The following KLHL12 variants were observed in gnomAD, a reference collection of about 807,000 sequenced individuals.
KLHL12 encodes the protein kelch like family member 12.
KLHL12 carries 17 observed loss-of-function variants against 60.8 expected under a neutral mutation model. The ratio of observed to expected loss-of-function variants is 0.28; its 90% confidence interval spans 0.19 to 0.42. The LOEUF (loss-of-function observed/expected upper bound fraction) is 0.42, where lower values mean the gene tolerates loss of function less well. Among genes scored for constraint, KLHL12 ranks in the 10% least tolerant of loss-of-function variants. KLHL12 has a pLI of 1.00. For missense variants in KLHL12, 468 were observed against 722.3 expected, an observed-to-expected ratio of 0.65 and a Z score of 4.04; for synonymous variants, 220 against 250.9, an observed-to-expected ratio of 0.88 and a Z score of 1.16.
Position 202,896,968 on chromosome 1 carries a change from C to T in KLHL12, c.833-8G>A, listed in dbSNP as rs1210180750. On this transcript the variant is annotated splice_region_variant and splice_polypyrimidine_tract_variant and intron_variant, in intron 6 of 11. Coordinates refer to ENST00000367261, the MANE Select transcript of KLHL12 (RefSeq NM_021633.4). Reference sequence around the variant, plus strand: ...AAAGCACTTCATTGGCTCCTGAAGACAAAGGCAGAAAAAAGATGGGTTAGT... The same window carrying T: ...AAAGCACTTCATTGGCTCCTGAAGATAAAGGCAGAAAAAAGATGGGTTAGT... 1.2e-6 allele frequency: 2 copies of T among 1,612,044 alleles called. No individual in the cohort carries two copies. Among genetic ancestry groups the T allele is most frequent in the South Asian group, 1.1e-5 (1 of 91,044 alleles).
intron 4 of KLHL12, among the ~76,000 whole-genome samples, chr1:202,914,442 T>C (rs1660458446): frequency 6.6e-6 from 1 of 152,238 alleles, no homozygotes; most frequent in Admixed American, 6.5e-5. Context: ...CTTAAAACTT[T>C]TATATGATTG....
intron 4 of KLHL12, among the ~76,000 whole-genome samples, chr1:202,911,641 A>C (rs917690891): frequency 1.3e-5 from 2 of 152,102 alleles, no homozygotes; most frequent in African/African-American, 4.8e-5. Flanking sequence ...ATTTTAAGTC[A>C]TAATTGTTAT....
At chr1:202,915,578 T>G (rs567769716) in intron 4 of KLHL12, among the ~76,000 whole-genome samples, 1 of 152,376 alleles carries the variant, frequency 6.6e-6, no homozygotes, top group African/African-American at 2.4e-5. Flanking sequence ...TTCCAAAGCC[T>G]GTATAGTTCC....
chr1:202,896,702 TTAAG>T, intron 7 of KLHL12, 148 bp downstream of exon 7: 4 of 690,612 alleles, frequency 5.8e-6, no homozygotes, highest in Non-Finnish European at 7.8e-6. Context: ...TCAAAAACTG[TTAAG>T]TAAGTACCTA....
chr1:202,913,660 T>C (rs1660432245), intron 4 of KLHL12, among the ~76,000 whole-genome samples: 1 of 151,648 alleles, frequency 6.6e-6, no homozygotes, highest in Non-Finnish European at 1.5e-5. Context: ...CAACATGAGA[T>C]TTCCTAGTTT....
At chr1:202,906,094 C>T (rs1298689600) in intron 6 of KLHL12, among the ~76,000 whole-genome samples, 15 of 142,448 alleles carry the variant, frequency 1.1e-4, no homozygotes, top group Middle Eastern at 7.4e-3. Flanking sequence ...GCTGGGATTA[C>T]GGGCATGAGC....
chr1:202,894,526 G>C (rs1659771165), intron 9 of KLHL12, 65 bp downstream of exon 9: 1 of 1,525,276 alleles, frequency 6.6e-7, no homozygotes, highest in African/African-American at 1.4e-5. Flanking sequence ...TGGTAAAAAG[G>C]AATCCTTACC....
chr1:202,910,966 C>A, intron 5 of KLHL12, 88 bp downstream of exon 5: 1 of 1,436,870 alleles, frequency 7.0e-7, no homozygotes, highest in Non-Finnish European at 9.6e-7. Context: ...AGACTCTGTG[C>A]CTACATTAAA....
At chr1:202,906,585 A>T (rs1660199763) in intron 6 of KLHL12, among the ~76,000 whole-genome samples, 2 of 152,122 alleles carry the variant, frequency 1.3e-5, no homozygotes, top group Non-Finnish European at 1.5e-5. Flanking sequence ...ATTGTATAAC[A>T]ATGTATTTAA....
In KLHL12 at chr1:202,892,363, A is replaced by G; in HGVS notation, c.*170T>C. 1.6e-6 allele frequency: 1 copy of G among 639,820 alleles called. No individual in the cohort carries two copies. Among genetic ancestry groups the G allele is most frequent in the Non-Finnish European group, 2.5e-6 (1 of 396,726 alleles). 39.6% of individuals were successfully genotyped at this position (639,820 alleles called of 1,614,324 possible). A position where few individuals can be genotyped will look rare whatever the true frequency, so the allele number is the denominator to read the frequency against. On this transcript the variant is annotated 3_prime_UTR_variant, in exon 12 of 12. Transcript: ENST00000367261. ...GTTACCCACCCTTCTCAGGAACAAGAACCAGGACGACGGGGAGTATGTGTC... is the reference window on the plus strand; with the variant it reads ...GTTACCCACCCTTCTCAGGAACAAGGACCAGGACGACGGGGAGTATGTGTC...
At chr1:202,903,782 C>T (rs145422767) in intron 6 of KLHL12, among the ~76,000 whole-genome samples, 3,052 of 151,404 alleles carry the variant, frequency 0.02, 109 homozygotes, top group African/African-American at 0.07. Flanking sequence ...GTCACCATGC[C>T]TGGCTAATTT....
At chr1:202,926,969 C>G (rs1273278864) in intron 1 of KLHL12, 120 bp downstream of exon 1, 1 of 775,894 alleles carries the variant, frequency 1.3e-6, no homozygotes, top group Non-Finnish European at 1.6e-6. Flanking sequence ...CCTTCCTCCT[C>G]TGTTGGGCAT....
chr1:202,892,451 G>C lies in KLHL12; in HGVS notation c.*82C>G. On this transcript the variant is annotated 3_prime_UTR_variant, in exon 12 of 12. Transcript: ENST00000367261. Reference sequence around the variant, plus strand: ...CACCCGGTGCACATAGTGAGAAACAGACATTCTGGAAAGGATTTTTGATTC... The same window carrying C: ...CACCCGGTGCACATAGTGAGAAACACACATTCTGGAAAGGATTTTTGATTC... The C allele has an allele frequency of 6.6e-7, 1 of 1,515,470 alleles. No homozygotes were observed. The highest frequency in any genetic ancestry group is 1.2e-5 in the South Asian group (1 of 83,686). 93.9% of individuals were successfully genotyped at this position (1,515,470 alleles called of 1,614,324 possible).
At chr1:202,927,246 C>G (rs1653629598), upstream of KLHL12, 3 of 985,062 alleles carry the variant, frequency 3.0e-6, no homozygotes, top group African/African-American at 1.7e-5. Flanking sequence ...GCCCCTGCGG[C>G]CGCGCGACGT....
chr1:202,895,639 G>A lies in KLHL12; in HGVS notation c.1018C>T (p.Arg340Cys), dbSNP rs756879807. ...RIYVIGGYDG[R>C]SRLSSVECLD... ...CATTCCACTGAACTAAGGCGGGAACGGCCATCATAGCCACCAATGACGTAG... is the reference window on the plus strand; with the variant it reads ...CATTCCACTGAACTAAGGCGGGAACAGCCATCATAGCCACCAATGACGTAG... Residue 340 changes from arginine to cysteine, a missense_variant, in exon 8 of 12, where the codon CGT (arginine) becomes TGT (cysteine). Around this residue, in one of 4 missense-constraint regions of KLHL12, gnomAD observed 339 missense variants for 525.0 expected, o/e 0.65. Coordinates refer to ENST00000367261, the MANE Select transcript of KLHL12 (RefSeq NM_021633.4). This position sits in a 1 kb window ranked among gnomAD's most constrained non-coding sequence, Gnocchi z 4.2. 1.9e-6 allele frequency: 3 copies of A among 1,614,100 alleles called. No individual in the cohort carries two copies. The highest frequency in any genetic ancestry group is 1.7e-6 in the Non-Finnish European group (2 of 1,179,988).
chr1:202,915,705 A>T (rs1660502850), intron 4 of KLHL12, among the ~76,000 whole-genome samples: 1 of 152,206 alleles, frequency 6.6e-6, no homozygotes, highest in Non-Finnish European at 1.5e-5. Flanking sequence ...GACTACTCGA[A>T]TTTGAAACCT....
At chr1:202,912,575 T>C (rs1660398052) in intron 4 of KLHL12, 1 of 1,207,308 alleles carries the variant, frequency 8.3e-7, no homozygotes, top group East Asian at 2.3e-5. Context: ...CAATAATCAG[T>C]CTTCAAATTT....
chr1:202,894,341 G>GT, intron 9 of KLHL12, 59 bp from the exon 10 acceptor site: 1 of 1,194,402 alleles, frequency 8.4e-7, no homozygotes, highest in South Asian at 1.3e-5. Context: ...TTCCTGGTCG[G>GT]TTTTTTTCTG....
chr1:202,927,519 CAA>C (rs869139683), upstream of KLHL12, among the ~76,000 whole-genome samples: 11 of 52,812 alleles, frequency 2.1e-4, no homozygotes, highest in South Asian at 7.5e-4. Flanking sequence ...CCCGTTTCTA[CAA>C]AAAAAAAAAA....
Sources: allele counts gnomAD v4.1 joint callset (sites outside exome capture counted in the v4.1 genomes callset), GRCh38; gene constraint gnomAD v4.1.1; regional missense constraint gnomAD v4.1.1; non-coding constraint Gnocchi (gnomAD v3.1); transcripts MANE v1.5; gene names NCBI Gene and HGNC (gene_info 2026-07-23, HGNC 2026-07-21).